LAMB4: variants seen among roughly 807,000 people sequenced by gnomAD.
The protein encoded by LAMB4 is laminin subunit beta 4.
Under a neutral mutation model 199.2 loss-of-function variants are expected in LAMB4, and 196 were observed. The ratio of observed to expected loss-of-function variants is 0.98; its 90% CI spans 0.88 to 1.11. LAMB4 has a LOEUF of 1.11. LAMB4 is among the 50% of genes least tolerant of loss of function. The pLI is 0.00. For synonymous variants in LAMB4, 744 were observed against 770.6 expected, an observed-to-expected ratio of 0.97 and a Z score of 0.57; for missense variants, 2,080 against 2,171.2, an observed-to-expected ratio of 0.96 and a Z score of 0.83.
intron 23 of LAMB4, among the ~76,000 whole-genome samples, chr7:108,059,629 C>G (rs1188037366): frequency 6.6e-6 from 1 of 152,198 alleles, no homozygotes; most frequent in East Asian, 1.9e-4. Flanking sequence ...GGGACAGTAA[C>G]TGCCCTTAAC....
Position 108,063,776 on chromosome 7 carries a change from T to C in LAMB4, c.3046A>G (p.Asn1016Asp), listed in dbSNP as rs747857576. Reference protein sequence around the residue: ...CKPGHYGSALNQTCRRCSCHA... With the variant: ...CKPGHYGSALDQTCRRCSCHA... Reference sequence around the variant, plus strand: ...GCAGACTTACTTCTGCAGGTCTGATTGAGGGCTGATCCATAGTGACCTGGT... The same window carrying C: ...GCAGACTTACTTCTGCAGGTCTGATCGAGGGCTGATCCATAGTGACCTGGT... Residue 1016 changes from asparagine (N) to aspartate (D), a missense_variant, in exon 22 of 34, where the codon AAT becomes GAT. Coordinates refer to ENST00000388781, the MANE Select transcript of LAMB4 (RefSeq NM_007356.3). 6.2e-7 allele frequency: 1 copy of C among 1,614,078 alleles called. No homozygotes were observed. The highest frequency in any genetic ancestry group is 1.7e-5 in the Admixed American group (1 of 60,020).
intron 14 of LAMB4, among the ~76,000 whole-genome samples, chr7:108,082,043 A>G (rs1424934478): frequency 6.6e-6 from 1 of 152,206 alleles, no homozygotes; most frequent in Non-Finnish European, 1.5e-5. Flanking sequence ...AGAGTTGCAG[A>G]ACTTCGGCCG....
In LAMB4 at chr7:108,092,394, T is replaced by C; in HGVS notation, c.1493A>G (p.Asn498Ser). Residue 498 changes from asparagine (N) to serine (S), a missense_variant, in exon 13 of 34, where the codon AAT becomes AGT. Physicochemically the swap from Asn to Ser is conservative, Grantham distance 46. Transcript: ENST00000388781. ...ECTVGYWGLG[N>S]HLHGCSPCDC... ...ACAGGGAGAACACCCATGGAGATGA[T>C]TTCCCAGGCCCCAGTATCCAACCTA... 1 of 1,614,026 alleles carries C rather than the reference T, an allele frequency of 6.2e-7. No homozygotes were observed. Among genetic ancestry groups the C allele is most frequent in the East Asian group, 2.2e-5 (1 of 44,876 alleles).
chr7:108,018,661 C>T (rs537393773), downstream of LAMB4, among the ~76,000 whole-genome samples: 198 of 152,030 alleles, frequency 1.3e-3, 3 homozygotes, highest in Non-Finnish European at 2.4e-3. Context: ...GCTGAGATCG[C>T]GCCACTGCAC....
intron 5 of LAMB4, 121 bp downstream of exon 5, chr7:108,109,050 G>T: frequency 1.4e-6 from 1 of 726,066 alleles, no homozygotes; most frequent in Non-Finnish European, 2.4e-6. Context: ...GGTGGCAAAG[G>T]TCAAGTCTGA....
chr7:108,106,141 G>C lies in LAMB4; in HGVS notation c.656-110C>G, dbSNP rs73197619. On this transcript the variant is annotated intron_variant, in intron 7 of 33. Coordinates refer to ENST00000388781, the MANE Select transcript of LAMB4 (RefSeq NM_007356.3). ...ACTATAGAAAAGAGATTACAGGCCC[G>C]GTGTAGTGGCTTGCGCCTGTAATCC... 3 of 878,038 alleles carry C rather than the reference G, an allele frequency of 3.4e-6. No individual in the cohort carries two copies. In the East Asian group the frequency reaches 7.9e-5, roughly 23 times the overall value. The allele number at this position is 878,038 out of a possible 1,614,324, so 54.4% of individuals were successfully genotyped here.
intron 2 of LAMB4, among the ~76,000 whole-genome samples, chr7:108,119,084 T>C (rs896781587): frequency 6.6e-6 from 1 of 152,120 alleles, no homozygotes; most frequent in Non-Finnish European, 1.5e-5. Flanking sequence ...TCAAATCACA[T>C]TGAGATATCA....
At chr7:108,037,993 A>G in intron 29 of LAMB4, among the ~76,000 whole-genome samples, 1 of 152,186 alleles carries the variant, frequency 6.6e-6, no homozygotes, top group African/African-American at 2.4e-5. Context: ...CTGCGTTTGA[A>G]GTCAACAAAA....
rs1040103764 is a variant in LAMB4 at position 108,100,965 on chromosome 7, T to G, written c.1180+2079A>C. ...AGTAATCCGAGCTAAAACATTTCATTGATGCATTTTCTATATTGTGATCAC... is the reference window on the plus strand; with the variant it reads ...AGTAATCCGAGCTAAAACATTTCATGGATGCATTTTCTATATTGTGATCAC... On this transcript the variant is annotated intron_variant, in intron 10 of 33. Coordinates refer to ENST00000388781, the MANE Select transcript of LAMB4 (RefSeq NM_007356.3). Among the ~76,000 whole-genome samples, 3 of 152,344 alleles carry G rather than the reference T, an allele frequency of 2.0e-5. No individual in the cohort carries two copies. The East Asian group carries it at 5.8e-4, about 29-fold the overall frequency.
intron 26 of LAMB4, among the ~76,000 whole-genome samples, chr7:108,050,703 T>C (rs889401103): frequency 6.6e-6 from 1 of 152,210 alleles, no homozygotes; most frequent in African/African-American, 2.4e-5. Context: ...GACCATACTC[T>C]TAATGTATCA....
chr7:108,079,566 C>A, intron 15 of LAMB4, 35 bp downstream of exon 15: 1 of 1,525,684 alleles, frequency 6.6e-7, no homozygotes, highest in Non-Finnish European at 8.9e-7. Flanking sequence ...TTTCTGTCAG[C>A]TTTTCACCAC....
At chr7:108,065,688 T>G (rs2036310578) in intron 21 of LAMB4, 74 bp downstream of exon 21, 1 of 1,276,992 alleles carries the variant, frequency 7.8e-7, no homozygotes, top group Non-Finnish European at 1.1e-6. Context: ...AGATAAGTCA[T>G]GAATATATGA....
At chr7:108,104,423 G>A (rs1442408487) in intron 9 of LAMB4, 76 bp downstream of exon 9, 1 of 1,564,114 alleles carries the variant, frequency 6.4e-7, no homozygotes, top group Non-Finnish European at 8.7e-7. Context: ...CAGCCCCACA[G>A]AAGTGAACGA....
In LAMB4 at chr7:108,116,073, C is replaced by T. The variant is rs763751423; in HGVS notation, c.123G>A (p.Thr41=). The part of the protein sequence containing the change: ...TTGDLLVGRN[T]QLMASSTCGL... Reference sequence around the variant, plus strand: ...CACAGGTAGAAGAAGCCATAAGCTGCGTGTTCCTGCCCACCAGGAGATCAC... The same window carrying T: ...CACAGGTAGAAGAAGCCATAAGCTGTGTGTTCCTGCCCACCAGGAGATCAC... The change falls in exon 3 of 34, where the codon ACG becomes ACA. Residue 41 remains threonine (T), a synonymous_variant. Transcript: ENST00000388781. 64 of 1,613,934 alleles carry T rather than the reference C, an allele frequency of 4.0e-5. No individual in the cohort carries two copies. The highest frequency in any genetic ancestry group is 6.7e-5 in the African/African-American group (5 of 74,902).
the LAMB4 span, among the ~76,000 whole-genome samples, chr7:108,015,748 CTTTT>C: frequency 0.14 from 17,542 of 123,388 alleles, 2,070 homozygotes; most frequent in African/African-American, 0.34. Flanking sequence ...GTTTTGAAGA[CTTTT>C]TTTTTTTTTT....
In LAMB4 at chr7:108,062,950, G is replaced by A. The variant is rs1204414378; in HGVS notation, c.3106C>T (p.Pro1036Ser). ...ASGVSPMECP[P>S]GGGACLCDPV... ...TCACAGAGGCAAGCTCCCCCACCAG[G>A]GGGACACTCCATGGGACTCACGCCG... Residue 1036 changes from proline (P) to serine (S), a missense_variant, in exon 23 of 34, where the codon CCT becomes TCT. Coordinates refer to ENST00000388781, the MANE Select transcript of LAMB4 (RefSeq NM_007356.3). The A allele has an allele frequency of 1.2e-6, 2 of 1,604,638 alleles. No individual in the cohort carries two copies. The highest frequency in any genetic ancestry group is 1.7e-6 in the Non-Finnish European group (2 of 1,176,210).
At position 108,098,516 on chromosome 7, in the gene LAMB4, A is replaced by T; in HGVS notation, c.1247T>A (p.Leu416Ter). Residue 416 changes from leucine to a stop codon, truncating the protein, a stop_gained, in exon 11 of 34, where the codon TTA becomes TAA. Transcript: ENST00000388781. LOFTEE classifies it high-confidence loss of function. ...AAGGCACTGGCCGGCCACAGACCCT[A>T]AGGCAGGATCAGAGTGGCTCACACA... ...GICVSHSDPA[L>*]GSVAGQCLCK... 3 of 1,613,866 alleles carry T rather than the reference A, an allele frequency of 1.9e-6. No individual in the cohort carries two copies. The highest frequency in any genetic ancestry group is 2.5e-6 in the Non-Finnish European group (3 of 1,179,984).
chr7:108,097,080 T>C lies in LAMB4; in HGVS notation c.1360+1323A>G, dbSNP rs527325998. On this transcript the variant is annotated intron_variant, in intron 11 of 33. Coordinates refer to ENST00000388781, the MANE Select transcript of LAMB4 (RefSeq NM_007356.3). ...GAAACATGTGGAATGCTGAAAGGTA[T>C]GATGGGAAATTGGTTTGACTATATA... Among the ~76,000 whole-genome samples the C allele has an allele frequency of 2.6e-5, 4 of 152,214 alleles. No homozygotes were observed. The East Asian group carries it at 7.7e-4, about 29-fold the overall frequency.
intron 17 of LAMB4, among the ~76,000 whole-genome samples, chr7:108,074,554 A>G (rs1416353095): frequency 6.6e-6 from 1 of 152,018 alleles, no homozygotes; most frequent in Non-Finnish European, 1.5e-5. Context: ...TTTTCAGTAG[A>G]GACGGGGTTT....
Sources: allele counts gnomAD v4.1 joint callset (sites outside exome capture counted in the v4.1 genomes callset), GRCh38; gene constraint gnomAD v4.1.1; transcripts MANE v1.5; gene names NCBI Gene and HGNC (gene_info 2026-07-23, HGNC 2026-07-21).